The following RELN variants were observed in gnomAD, a reference collection of about 807,000 sequenced individuals.
RELN encodes the protein reelin.
A neutral mutation model predicts 427.6 loss-of-function variants in RELN; 108 were observed. The ratio of observed to expected loss-of-function variants is 0.25; its 90% CI spans 0.22 to 0.30. RELN has a LOEUF of 0.30. Ranked by LOEUF, RELN falls within the 10% of genes least tolerant of loss-of-function variation. The pLI, the probability that RELN is intolerant of heterozygous loss-of-function variation, is 1.00. For synonymous variants in RELN, 1,524 were observed against 1,513.4 expected (o/e 1.01, Z -0.16); for missense variants, 3,715 against 4,302.8 (o/e 0.86, Z 3.82).
At chr7:103,474,460 T>C (rs1045639593) in intron 64 of RELN, among the ~76,000 whole-genome samples, 1 of 152,036 alleles carries the variant, frequency 6.6e-6, no homozygotes, top group Admixed American at 6.5e-5. Flanking sequence ...TTAGGCAGAT[T>C]TACTATCCTC....
intron 4 of RELN, among the ~76,000 whole-genome samples, chr7:103,763,830 AAAC>A (rs1186762895): frequency 6.6e-6 from 1 of 151,892 alleles, no homozygotes; most frequent in African/African-American, 2.4e-5. Flanking sequence ...AACTGGGGGG[AAAC>A]AGAGGGCAGT....
At chr7:103,725,706 T>C (rs893936276) in intron 7 of RELN, among the ~76,000 whole-genome samples, 25 of 152,216 alleles carry the variant, frequency 1.6e-4, no homozygotes, top group African/African-American at 1.4e-4. Context: ...CTTTATCTTA[T>C]ACTAACAAAA....
chr7:103,644,041 C>T (rs975355470), intron 16 of RELN, among the ~76,000 whole-genome samples: 10 of 151,852 alleles, frequency 6.6e-5, no homozygotes, highest in African/African-American at 2.2e-4. Flanking sequence ...GTCTTTGCCA[C>T]TGAATGCTCA....
At chr7:103,743,015 A>C (rs1194079720) in intron 6 of RELN, among the ~76,000 whole-genome samples, 2 of 150,498 alleles carry the variant, frequency 1.3e-5, no homozygotes, top group African/African-American at 5.0e-5. Context: ...CCAGAGAGAA[A>C]GGTCGGGTTA....
intron 53 of RELN, 90 bp from the exon 54 acceptor site, chr7:103,498,342 T>TA (rs759858605): frequency 3.9e-4 from 449 of 1,161,770 alleles, no homozygotes; most frequent in Middle Eastern, 6.0e-4. Context: ...GTCTTGGACT[T>TA]AAAAAAAATA....
intron 2 of RELN, among the ~76,000 whole-genome samples, chr7:103,849,619 T>G (rs1354070860): frequency 6.6e-6 from 1 of 152,224 alleles, no homozygotes; most frequent in Non-Finnish European, 1.5e-5. Context: ...AAGATGAGAC[T>G]GTATATAGTT....
intron 1 of RELN, among the ~76,000 whole-genome samples, chr7:103,920,282 A>G (rs1049004792): frequency 6.6e-6 from 1 of 152,170 alleles, no homozygotes; most frequent in African/African-American, 2.4e-5. Flanking sequence ...AAATTTGGGT[A>G]TATTAGGATG....
chr7:103,694,308 G>C (rs1833932405), intron 10 of RELN, among the ~76,000 whole-genome samples: 1 of 152,146 alleles, frequency 6.6e-6, no homozygotes, highest in Non-Finnish European at 1.5e-5. Context: ...GAGAGCAAGA[G>C]TTCTAAAGTC....
chr7:103,484,891 AG>A (rs1365823209), intron 61 of RELN, among the ~76,000 whole-genome samples: 1 of 152,196 alleles, frequency 6.6e-6, no homozygotes, highest in Admixed American at 6.5e-5. Context: ...GGCTGTCTGG[AG>A]ATCAGAGCTG....
intron 3 of RELN, among the ~76,000 whole-genome samples, chr7:103,814,608 T>C (rs918892697): frequency 6.6e-6 from 1 of 152,094 alleles, no homozygotes; most frequent in Admixed American, 6.5e-5. Context: ...GCCACATTAT[T>C]AGTATATGAT....
intron 1 of RELN, among the ~76,000 whole-genome samples, chr7:103,943,421 A>T (rs1355312041): frequency 6.6e-6 from 1 of 152,170 alleles, no homozygotes; most frequent in African/African-American, 2.4e-5. Flanking sequence ...ATAACATGGA[A>T]ATTTAATGAG....
chr7:103,585,927 C>A (rs1488951103), intron 28 of RELN, among the ~76,000 whole-genome samples: 1 of 152,094 alleles, frequency 6.6e-6, no homozygotes, highest in Non-Finnish European at 1.5e-5. Context: ...ATGTCATTCA[C>A]CACATAAACA....
intron 2 of RELN, among the ~76,000 whole-genome samples, chr7:103,906,111 G>A (rs538665930): frequency 2.0e-5 from 3 of 152,110 alleles, no homozygotes; most frequent in African/African-American, 7.2e-5. Flanking sequence ...TGGAAAAGAG[G>A]CTGAGAAGAG....
chr7:103,945,039 G>A (rs1796192190), intron 1 of RELN, among the ~76,000 whole-genome samples: 1 of 152,132 alleles, frequency 6.6e-6, no homozygotes, highest in African/African-American at 2.4e-5. Flanking sequence ...CTACCTGGCA[G>A]TGCCTCCAGT....
intron 1 of RELN, among the ~76,000 whole-genome samples, chr7:103,918,411 T>A (rs1795536154): frequency 6.6e-6 from 1 of 152,168 alleles, no homozygotes; most frequent in African/African-American, 2.4e-5. Context: ...AAGAAGAATG[T>A]GTAGAACAGA....
intron 3 of RELN, among the ~76,000 whole-genome samples, chr7:103,793,807 C>T (rs1009328047): frequency 3.3e-5 from 5 of 152,150 alleles, no homozygotes; most frequent in Non-Finnish European, 7.4e-5. Context: ...TGCTTTGTCA[C>T]CCAGGCTAAA....
chr7:103,989,124 T>A lies in RELN; in HGVS notation c.226+7A>T, dbSNP rs895561494. 11 of 1,612,294 alleles carry A rather than the reference T, an allele frequency of 6.8e-6. No homozygotes were observed. The highest frequency in any genetic ancestry group is 3.3e-5 in the South Asian group (3 of 91,028). ...GGCGGCGAGCGCGGAGGTGCTGCGG[T>A]ACCTACCATGGTATTCTTGTCCCGG... On this transcript the variant is annotated splice_region_variant and intron_variant, in intron 1 of 64. Coordinates refer to ENST00000428762, the MANE Select transcript of RELN (RefSeq NM_005045.4). The surrounding 1 kb of genome is among the most constrained non-coding windows in gnomAD (Gnocchi z 4.9).
chr7:103,799,624 A>C (rs1272268845), intron 3 of RELN, among the ~76,000 whole-genome samples: 1 of 152,206 alleles, frequency 6.6e-6, no homozygotes, highest in East Asian at 1.9e-4. Flanking sequence ...CGTCTTCCTC[A>C]GAGAGGCCTT....
At chr7:103,671,846 G>A (rs1441053329) in intron 11 of RELN, among the ~76,000 whole-genome samples, 9 of 151,992 alleles carry the variant, frequency 5.9e-5, no homozygotes, top group African/African-American at 2.2e-4. Flanking sequence ...TTATTTAAGT[G>A]GTTGTTTTAC....
Sources: allele counts gnomAD v4.1 joint callset (sites outside exome capture counted in the v4.1 genomes callset), GRCh38; gene constraint gnomAD v4.1.1; non-coding constraint Gnocchi (gnomAD v3.1); transcripts MANE v1.5; gene names NCBI Gene and HGNC (gene_info 2026-07-23, HGNC 2026-07-21).